CCDC152: variants seen among roughly 807,000 people sequenced by gnomAD.
CCDC152 encodes the protein coiled-coil domain containing 152.
CCDC152 carries 37 observed loss-of-function variants against 38.1 expected under a neutral mutation model. The ratio of observed to expected loss-of-function variants is 0.97; its 90% CI spans 0.75 to 1.28. The LOEUF is 1.28. Ranked by LOEUF, CCDC152 falls within the 50% of genes most tolerant of loss-of-function variation. The pLI, the probability that CCDC152 is intolerant of heterozygous loss-of-function variation, is 0.00. For missense variants in CCDC152, 259 were observed against 292.1 expected (o/e 0.89, Z 0.83); for synonymous variants, 83 against 87.1 (o/e 0.95, Z 0.26).
At chr5:42,763,448 A>G (rs1759583211) in intron 3 of CCDC152, among the ~76,000 whole-genome samples, 1 of 152,182 alleles carries the variant, frequency 6.6e-6, no homozygotes, top group Middle Eastern at 3.4e-3. Context: ...CGTGGGCTCA[A>G]TATAGTCACT....
chr5:42,789,083 A>G (rs1481116659), intron 6 of CCDC152, among the ~76,000 whole-genome samples: 1 of 152,212 alleles, frequency 6.6e-6, no homozygotes, highest in Non-Finnish European at 1.5e-5. Flanking sequence ...GAAGTTCCTA[A>G]ATGACCACCA....
chr5:42,799,905 T>C lies in CCDC152; in HGVS notation c.*124T>C. The stretch of plus-strand genomic sequence containing the variant: ...TCAGCTTTAAGGTTTTTATTGAATT[T>C]ATTTGGACAAATCCGTACTGTATCC... On this transcript the variant is annotated 3_prime_UTR_variant, in exon 9 of 9. Transcript: ENST00000361970. The C allele has an allele frequency of 2.8e-6, 3 of 1,083,454 alleles. No homozygotes were observed. Among genetic ancestry groups the C allele is most frequent in the South Asian group, 1.5e-5 (1 of 67,382 alleles). The allele number at this position is 1,083,454 out of a possible 1,614,324, so 67.1% of individuals were successfully genotyped here.
At chr5:42,779,812 T>C (rs1759819944) in intron 5 of CCDC152, among the ~76,000 whole-genome samples, 1 of 152,160 alleles carries the variant, frequency 6.6e-6, no homozygotes, top group African/African-American at 2.4e-5. Flanking sequence ...TGCTACATAA[T>C]TTTCAATTAT....
intron 5 of CCDC152, among the ~76,000 whole-genome samples, chr5:42,782,594 G>A (rs1284372530): frequency 6.6e-6 from 1 of 152,022 alleles, no homozygotes; most frequent in Non-Finnish European, 1.5e-5. Context: ...AATAGAATCA[G>A]GAGAGCTATT....
At chr5:42,782,761 A>C (rs747782334) in intron 5 of CCDC152, among the ~76,000 whole-genome samples, 1 of 152,196 alleles carries the variant, frequency 6.6e-6, no homozygotes, top group Non-Finnish European at 1.5e-5. Flanking sequence ...TATCCATAAT[A>C]TAGATATGTT....
chr5:42,792,880 T>A (rs1185507718), intron 6 of CCDC152, among the ~76,000 whole-genome samples: 1 of 152,208 alleles, frequency 6.6e-6, no homozygotes, highest in Non-Finnish European at 1.5e-5. Flanking sequence ...TTAGGATTCC[T>A]GAGATCTGAG....
chr5:42,801,294 A>G lies in CCDC152; in HGVS notation c.*1513A>G. 2 of 1,612,842 alleles carry G rather than the reference A, an allele frequency of 1.2e-6. No individual in the cohort carries two copies. The highest frequency in any genetic ancestry group is 1.1e-5 in the South Asian group (1 of 90,716). On this transcript the variant is annotated 3_prime_UTR_variant, in exon 9 of 9. Coordinates refer to ENST00000361970, the MANE Select transcript of CCDC152 (RefSeq NM_001134848.2). ...TTCAACTGTTTTATCCACAGTAGCC[A>G]AAGATACACGTTTACAAAAGTCTTC...
chr5:42,802,158 A>C lies in CCDC152; in HGVS notation c.*2377A>C, dbSNP rs1308544984. 6.6e-6 allele frequency: 1 copy of C among 152,190 alleles called. No individual in the cohort carries two copies. Among genetic ancestry groups the C allele is most frequent in the Non-Finnish European group, 1.5e-5 (1 of 68,028 alleles). The allele number at this position is 152,190 out of a possible 1,614,324, so 9.4% of individuals were successfully genotyped here. A position where few individuals can be genotyped will look rare whatever the true frequency, so the allele number is the denominator to read the frequency against. On this transcript the variant is annotated 3_prime_UTR_variant, in exon 9 of 9. Transcript: ENST00000361970. ...CTCCCTACCATAAGGCTGTCAGCTGAAAATAGCAAATTACTGCCCGACTCC... is the reference window on the plus strand; with the variant it reads ...CTCCCTACCATAAGGCTGTCAGCTGCAAATAGCAAATTACTGCCCGACTCC...
chr5:42,769,522 A>C (rs771553304), intron 3 of CCDC152, 75 bp from the exon 4 acceptor site: 36 of 1,350,868 alleles, frequency 2.7e-5, no homozygotes, highest in Non-Finnish European at 3.4e-5. Context: ...ATTTTATTTT[A>C]ATAATTTCAA....
intron 6 of CCDC152, among the ~76,000 whole-genome samples, chr5:42,793,618 G>GT (rs1330122354): frequency 2.6e-5 from 4 of 151,900 alleles, no homozygotes; most frequent in Non-Finnish European, 5.9e-5. Flanking sequence ...TTTTCTTTTT[G>GT]TTTTTTTGGA....
At chr5:42,763,540 AC>A (rs1759584746) in intron 3 of CCDC152, among the ~76,000 whole-genome samples, 1 of 152,200 alleles carries the variant, frequency 6.6e-6, no homozygotes, top group African/African-American at 2.4e-5. Flanking sequence ...CCTGACAAAT[AC>A]TACCTCAGCA....
At chr5:42,797,761 C>T (rs1760093795) in intron 7 of CCDC152, among the ~76,000 whole-genome samples, 1 of 151,910 alleles carries the variant, frequency 6.6e-6, no homozygotes, top group Admixed American at 6.6e-5. Context: ...GAATATATAT[C>T]CTGGGGGCAA....
chr5:42,790,504 A>T (rs777844418), intron 6 of CCDC152, among the ~76,000 whole-genome samples: 31 of 152,210 alleles, frequency 2.0e-4, no homozygotes, highest in Non-Finnish European at 4.3e-4. Flanking sequence ...TAAAAATGCA[A>T]TGAGTTAATT....
chr5:42,774,490 G>A (rs1488309050), intron 4 of CCDC152, among the ~76,000 whole-genome samples: 3 of 152,154 alleles, frequency 2.0e-5, no homozygotes, highest in Admixed American at 6.5e-5. Flanking sequence ...GGTTTTAGCC[G>A]AGGATAAGCT....
At chr5:42,787,370 C>T (rs1004613879) in intron 6 of CCDC152, among the ~76,000 whole-genome samples, 4 of 151,786 alleles carry the variant, frequency 2.6e-5, no homozygotes, top group Admixed American at 6.6e-5. Flanking sequence ...AATGTAGCTA[C>T]CTCCTCTTTT....
At chr5:42,766,536 A>G (rs1759626667) in intron 3 of CCDC152, among the ~76,000 whole-genome samples, 1 of 152,344 alleles carries the variant, frequency 6.6e-6, no homozygotes, top group African/African-American at 2.4e-5. Flanking sequence ...ATGAATGAAT[A>G]AAGAAAATGT....
intron 6 of CCDC152, among the ~76,000 whole-genome samples, chr5:42,785,792 G>T (rs1759913244): frequency 6.6e-6 from 1 of 151,996 alleles, no homozygotes; most frequent in Non-Finnish European, 1.5e-5. Context: ...TTATTTTGAG[G>T]TACGTTCCTT....
chr5:42,769,738 A>G (rs1759673265), intron 4 of CCDC152, 73 bp downstream of exon 4: 1 of 1,410,320 alleles, frequency 7.1e-7, no homozygotes, highest in African/African-American at 1.5e-5. Context: ...GGAAGTTTTT[A>G]CATGGTTGAT....
chr5:42,784,438 T>G (rs953206944), intron 6 of CCDC152, among the ~76,000 whole-genome samples: 1 of 152,164 alleles, frequency 6.6e-6, no homozygotes, highest in African/African-American at 2.4e-5. Context: ...AAGTCCTCTT[T>G]GCCCACTTTG....
Sources: allele counts gnomAD v4.1 joint callset (sites outside exome capture counted in the v4.1 genomes callset), GRCh38; gene constraint gnomAD v4.1.1; transcripts MANE v1.5; gene names NCBI Gene and HGNC (gene_info 2026-07-23, HGNC 2026-07-21).